Variants in ZNF100 observed in about 807,000 individuals in gnomAD.
The protein encoded by ZNF100 is zinc finger protein 100.
Under a neutral mutation model 15.8 loss-of-function variants are expected in ZNF100, and 12 were observed. The observed-to-expected ratio is 0.76, with a 90% CI of 0.49 to 1.23. The LOEUF (loss-of-function observed/expected upper bound fraction) is 1.23, where lower values mean the gene tolerates loss of function less well. Ranked by LOEUF, ZNF100 falls within the 50% of genes most tolerant of loss-of-function variation. ZNF100 has a pLI of 0.00. For synonymous variants in ZNF100, 226 were observed against 214.8 expected (o/e 1.05, Z -0.45); for missense variants, 670 against 635.6 (o/e 1.05, Z -0.58).
At chr19:21,745,768 C>T (rs1226969806) in intron 2 of ZNF100, among the ~76,000 whole-genome samples, 1 of 151,958 alleles carries the variant, frequency 6.6e-6, no homozygotes, top group Non-Finnish European at 1.5e-5. Flanking sequence ...ATGATCCACC[C>T]GCCTCGGCCT....
chr19:21,764,574 AG>A (rs2036531280), intron 2 of ZNF100, among the ~76,000 whole-genome samples: 1 of 151,006 alleles, frequency 6.6e-6, no homozygotes, highest in Admixed American at 6.6e-5. Context: ...CGGGAGGCGG[AG>A]GTTGCAGTGA....
chr19:21,742,844 TAAAG>T (rs917770933), intron 4 of ZNF100, among the ~76,000 whole-genome samples: 3 of 151,906 alleles, frequency 2.0e-5, no homozygotes, highest in African/African-American at 7.3e-5. Context: ...TCTGATACAA[TAAAG>T]AAAACAATCT....
In ZNF100 at chr19:21,725,025, T is replaced by G. The variant is rs1324517808; in HGVS notation, c.*1658A>C. ...GAGATCGTGCCACTGCACTCCAGCC[T>G]GGGTGACAGAGCAAGACTACCTCTC... On this transcript the variant is annotated 3_prime_UTR_variant, in exon 5 of 5. Transcript: ENST00000358296. 6.6e-6 allele frequency: 1 copy of G among 152,176 alleles called. No individual in the cohort carries two copies. Among genetic ancestry groups the G allele is most frequent in the Non-Finnish European group, 1.5e-5 (1 of 68,058 alleles). The allele number at this position is 152,176 out of a possible 1,614,324, so 9.4% of individuals were successfully genotyped here.
At chr19:21,735,212 A>C (rs1191967487) in intron 4 of ZNF100, among the ~76,000 whole-genome samples, 3 of 152,140 alleles carry the variant, frequency 2.0e-5, no homozygotes, top group Admixed American at 2.0e-4. Flanking sequence ...ATTAACCTTA[A>C]ATTTAAATGG....
intron 2 of ZNF100, chr19:21,751,647 T>G: frequency 6.9e-7 from 1 of 1,458,104 alleles, no homozygotes; most frequent in Non-Finnish European, 9.5e-7. Context: ...GTTGAGGACA[T>G]GAATGAAATG....
chr19:21,765,157 T>C (rs1218359399), intron 2 of ZNF100, among the ~76,000 whole-genome samples: 1 of 152,214 alleles, frequency 6.6e-6, no homozygotes, highest in Non-Finnish European at 1.5e-5. Context: ...TTGTAAATAT[T>C]TTTCTACCTT....
intron 4 of ZNF100, among the ~76,000 whole-genome samples, chr19:21,734,083 CTAGA>C (rs1293652379): frequency 1.1e-4 from 16 of 152,144 alleles, no homozygotes; most frequent in Non-Finnish European, 1.5e-5. Context: ...AAGACCAAAG[CTAGA>C]TAAACTCATG....
chr19:21,731,676 A>G (rs1490931005), intron 4 of ZNF100, among the ~76,000 whole-genome samples: 3 of 152,202 alleles, frequency 2.0e-5, no homozygotes, highest in African/African-American at 7.2e-5. Flanking sequence ...AATATCATCC[A>G]GGATTTAAAA....
intron 4 of ZNF100, among the ~76,000 whole-genome samples, chr19:21,741,229 G>A (rs1015045652): frequency 6.6e-6 from 1 of 152,204 alleles, no homozygotes. Flanking sequence ...GAAAGTGGAA[G>A]GGTGTTTGTC....
At chr19:21,728,910 CATAA>C (rs1164172265) in intron 4 of ZNF100, among the ~76,000 whole-genome samples, 2 of 151,284 alleles carry the variant, frequency 1.3e-5, no homozygotes, top group African/African-American at 4.9e-5. Flanking sequence ...AAGATAAGAA[CATAA>C]ATATTTAGAA....
intron 1 of ZNF100, 140 bp downstream of exon 1, chr19:21,767,287 A>G (rs59212894): frequency 1.4e-6 from 2 of 1,442,240 alleles, no homozygotes; most frequent in African/African-American, 2.8e-5. Context: ...CTTATGGCCG[A>G]AGGGGACGGA....
Position 21,745,000 on chromosome 19 carries a change from G to C in ZNF100, c.164C>G (p.Ala55Gly), listed in dbSNP as rs2036186237. The stretch of plus-strand genomic sequence containing the variant: ...CACTTTCCTATACAAACCCTGCTGA[G>C]CACTGTCCAGGCATTGCCACTCCTC... ...SLEEWQCLDS[A>G]QQGLYRKVML... Residue 55 changes from alanine (A) to glycine (G), a missense_variant, in exon 3 of 5, where the codon GCT becomes GGT. By Grantham distance (60) the Ala-to-Gly change is moderately conservative (BLOSUM62 0). Transcript: ENST00000358296. 2 of 1,612,856 alleles carry C rather than the reference G, an allele frequency of 1.2e-6. No homozygotes were observed. Among genetic ancestry groups the C allele is most frequent in the East Asian group, 2.2e-5 (1 of 44,860 alleles).
chr19:21,743,418 T>A (rs561895652), intron 4 of ZNF100, among the ~76,000 whole-genome samples: 92 of 152,266 alleles, frequency 6.0e-4, no homozygotes, highest in African/African-American at 2.1e-3. Flanking sequence ...TAATAAAAAA[T>A]ACAATTCTAA....
At chr19:21,742,233 G>T (rs1469556840) in intron 4 of ZNF100, among the ~76,000 whole-genome samples, 1 of 150,406 alleles carries the variant, frequency 6.6e-6, no homozygotes, top group East Asian at 2.0e-4. Flanking sequence ...GGAGGTGGGG[G>T]TTGCAGTGAG....
intron 2 of ZNF100, 38 bp from the exon 3 acceptor site, chr19:21,745,105 C>G: frequency 6.4e-7 from 1 of 1,570,876 alleles, no homozygotes; most frequent in South Asian, 1.2e-5. Flanking sequence ...ATATATTTAC[C>G]AAGTGGCCAT....
At position 21,723,153 on chromosome 19, in the gene ZNF100, A is replaced by G. The variant is rs1045745599; in HGVS notation, c.*3530T>C. The G allele has an allele frequency of 2.0e-5, 3 of 151,596 alleles. No individual in the cohort carries two copies. Among genetic ancestry groups the G allele is most frequent in the African/African-American group, 7.3e-5 (3 of 41,216 alleles). 9.4% of individuals were successfully genotyped at this position (151,596 alleles called of 1,614,324 possible). A position where few individuals can be genotyped will look rare whatever the true frequency, so the allele number is the denominator to read the frequency against. ...GATCATATGAGGTCAGGAGTTTGAA[A>G]CCAGCCTGGCCAACATGGTGAAACT... On this transcript the variant is annotated 3_prime_UTR_variant, in exon 5 of 5. Coordinates refer to ENST00000358296, the MANE Select transcript of ZNF100 (RefSeq NM_173531.4).
chr19:21,752,621 A>G (rs763547572), intron 2 of ZNF100: 8 of 152,620 alleles, frequency 5.2e-5, no homozygotes, highest in Non-Finnish European at 8.8e-5. Context: ...CTTGTGAACT[A>G]TAAATGGTAC....
chr19:21,749,772 G>C (rs12972593), intron 2 of ZNF100, among the ~76,000 whole-genome samples: 82,000 of 151,968 alleles, frequency 0.54, 22,642 homozygotes, highest in East Asian at 0.65. Context: ...TGAAAAGCTT[G>C]AAGAGCCACA....
chr19:21,730,480 A>G (rs200883057), intron 4 of ZNF100, among the ~76,000 whole-genome samples: 5 of 88,896 alleles, frequency 5.6e-5, no homozygotes, highest in South Asian at 7.9e-4. Context: ...GTGTGTGTGT[A>G]TCTCACATTA....
Sources: allele counts gnomAD v4.1 joint callset (sites outside exome capture counted in the v4.1 genomes callset), GRCh38; gene constraint gnomAD v4.1.1; transcripts MANE v1.5; gene names NCBI Gene and HGNC (gene_info 2026-07-23, HGNC 2026-07-21).